Variants in NOC3L observed in about 807,000 individuals in gnomAD.
NOC3L encodes the protein NOC3 like DNA replication regulator, also known as nucleolar complex protein 3 homolog.
NOC3L carries 85 observed loss-of-function variants against 102.5 expected under a neutral mutation model. The observed-to-expected ratio is 0.83, with a 90% CI of 0.70 to 0.99. The LOEUF (loss-of-function observed/expected upper bound fraction) is 0.99, where lower values mean the gene tolerates loss of function less well. Ranked by LOEUF, NOC3L falls within the 50% of genes least tolerant of loss-of-function variation. The pLI, the probability that NOC3L is intolerant of heterozygous loss-of-function variation, is 0.00. For synonymous variants in NOC3L, 303 were observed against 309.4 expected (o/e 0.98, Z 0.22); for missense variants, 878 against 914.9 (o/e 0.96, Z 0.52).
At chr10:94,337,983 C>T in intron 18 of NOC3L, 109 bp from the exon 19 acceptor site, 2 of 669,830 alleles carry the variant, frequency 3.0e-6, no homozygotes, top group Non-Finnish European at 2.6e-6. Flanking sequence ...TTTTTTTCAT[C>T]ACCTATGTAC....
At chr10:94,361,566 G>T in intron 2 of NOC3L, 99 bp downstream of exon 2, 1 of 1,138,352 alleles carries the variant, frequency 8.8e-7, no homozygotes, top group South Asian at 1.3e-5. Context: ...GAAGATCTGA[G>T]AACAAGAAAA....
At chr10:94,337,375 C>A (rs1218545937) in intron 19 of NOC3L, among the ~76,000 whole-genome samples, 1 of 150,670 alleles carries the variant, frequency 6.6e-6, no homozygotes, top group Non-Finnish European at 1.5e-5. Context: ...AAAAAAAGAC[C>A]GAGCGAGCGA....
chr10:94,354,150 T>G (rs1216944089), intron 6 of NOC3L, among the ~76,000 whole-genome samples: 1 of 152,218 alleles, frequency 6.6e-6, no homozygotes, highest in African/African-American at 2.4e-5. Context: ...TTCCCCTCAC[T>G]TCATTAGAAA....
intron 2 of NOC3L, chr10:94,361,423 G>C: frequency 2.0e-6 from 1 of 490,316 alleles, no homozygotes; most frequent in South Asian, 3.2e-5. Context: ...TGCATCTTCA[G>C]ATCTGCCTTC....
In NOC3L at chr10:94,340,335, T is replaced by C. The variant is rs1268427791; in HGVS notation, c.1721A>G (p.Asn574Ser). ...HILSGQGDVL[N>S]IDPLKFYTHL... ...TGTGTAGAATTTCAATGGATCAATA[T>C]TCAGAACATCACCTTTGAAATGACA... Residue 574 changes from asparagine (N) to serine (S), a missense_variant, in exon 16 of 21, where the codon AAT (asparagine) becomes AGT (serine). Asn to Ser is a conservative substitution (Grantham distance 46, BLOSUM62 1). Transcript: ENST00000371361. 1.9e-6 allele frequency: 3 copies of C among 1,613,152 alleles called. No individual in the cohort carries two copies. Among genetic ancestry groups the C allele is most frequent in the African/African-American group, 1.3e-5 (1 of 74,886 alleles).
At position 94,357,324 on chromosome 10, in the gene NOC3L, C is replaced by T; in HGVS notation, c.358G>A (p.Val120Ile). The part of the protein sequence containing the change: ...LTRDLSSSEP[V>I]HAKKRKHERI... ...TCATGCTTCCGTTTCTTCGCATGAA[C>T]AGGCTCACTGCAGGGGAAAAAAAGA... Residue 120 changes from valine (V) to isoleucine (I), a missense_variant, in exon 4 of 21, where the codon GTT (valine) becomes ATT (isoleucine). Transcript: ENST00000371361. 6.3e-7 allele frequency: 1 copy of T among 1,593,390 alleles called. No individual in the cohort carries two copies. The highest frequency in any genetic ancestry group is 8.5e-7 in the Non-Finnish European group (1 of 1,170,622).
intron 9 of NOC3L, 32 bp from the exon 10 acceptor site, chr10:94,349,410 T>C: frequency 6.4e-6 from 10 of 1,558,826 alleles, no homozygotes; most frequent in Non-Finnish European, 7.8e-6. Flanking sequence ...TTAACCAGTG[T>C]TTCTCAACCT....
At chr10:94,334,588 A>G in intron 20 of NOC3L, 46 bp downstream of exon 20, 1 of 1,377,878 alleles carries the variant, frequency 7.3e-7, no homozygotes, top group East Asian at 2.3e-5. Flanking sequence ...ATTGAGATAC[A>G]TTGGTTTCTA....
chr10:94,326,064 C>T, the NOC3L span, among the ~76,000 whole-genome samples: 1 of 152,148 alleles, frequency 6.6e-6, no homozygotes, highest in Non-Finnish European at 1.5e-5. Flanking sequence ...TGTGAGGGAA[C>T]CAGTGGTAAG....
At chr10:94,349,402 A>C (rs751570244) in intron 9 of NOC3L, 24 bp from the exon 10 acceptor site, 32 of 1,564,700 alleles carry the variant, frequency 2.0e-5, no homozygotes, top group Non-Finnish European at 2.4e-5. Context: ...TGTCATACTT[A>C]ACCAGTGTTT....
At chr10:94,319,346 C>T in the NOC3L span, among the ~76,000 whole-genome samples, 1 of 152,162 alleles carries the variant, frequency 6.6e-6, no homozygotes, top group Non-Finnish European at 1.5e-5. Context: ...TCAGTAATTA[C>T]TGAATGTAAG....
At chr10:94,318,653 G>C in the NOC3L span, among the ~76,000 whole-genome samples, 2 of 152,192 alleles carry the variant, frequency 1.3e-5, no homozygotes, top group Non-Finnish European at 2.9e-5. Flanking sequence ...GGAGGAGCAG[G>C]AGGCAGTGGG....
intron 12 of NOC3L, 106 bp downstream of exon 12, chr10:94,344,747 C>T (rs1472095597): frequency 2.6e-5 from 24 of 910,462 alleles, no homozygotes; most frequent in Non-Finnish European, 4.0e-5. Flanking sequence ...ACATCTAAGC[C>T]TCATGAAAGA....
chr10:94,350,931 G>C (rs2054408637), intron 8 of NOC3L, among the ~76,000 whole-genome samples: 1 of 151,780 alleles, frequency 6.6e-6, no homozygotes, highest in African/African-American at 2.4e-5. Flanking sequence ...AAAAAACTGA[G>C]AATGTAAGAC....
the NOC3L span, chr10:94,322,002 A>G: frequency 1.9e-6 from 3 of 1,613,984 alleles, no homozygotes; most frequent in African/African-American, 4.0e-5. Flanking sequence ...CTCCAGAGCA[A>G]CCTCGAACAG....
Position 94,334,294 on chromosome 10 carries a change from TA to T in NOC3L, c.2285del (p.Leu762TyrfsTer7). The T allele has an allele frequency of 6.3e-7, 1 of 1,598,220 alleles. No individual in the cohort carries two copies. ...CTTCATTCAAAAATGAATCCCCTTG[TA>T]AAAATTTACCCTAGGAAAATATTTA... ...SSNPKIKGKFLQGDSFLNEDL... is the reference protein window; with the variant it reads ...SSNPKIKGKFXQGDSFLNEDL... On this transcript the variant is annotated frameshift_variant, in exon 21 of 21. Coordinates refer to ENST00000371361, the MANE Select transcript of NOC3L (RefSeq NM_022451.11). LOFTEE classifies it high-confidence loss of function.
intron 2 of NOC3L, among the ~76,000 whole-genome samples, chr10:94,359,133 C>T (rs2054523026): frequency 6.6e-6 from 1 of 152,114 alleles, no homozygotes; most frequent in South Asian, 2.1e-4. Flanking sequence ...CATTAAAACT[C>T]GTAAATCTTG....
chr10:94,318,695 G>C, the NOC3L span, among the ~76,000 whole-genome samples: 1 of 152,190 alleles, frequency 6.6e-6, no homozygotes, highest in Non-Finnish European at 1.5e-5. Context: ...TGGCTGCTGA[G>C]TGTCACAGGA....
At chr10:94,332,272 A>G (rs1339648826), downstream of NOC3L, 2 of 152,176 alleles carry the variant, frequency 1.3e-5, no homozygotes, top group Non-Finnish European at 2.9e-5. Context: ...TAGGTCTCTA[A>G]ACTTTTGACA....
Sources: gnomAD v4.1 joint callset for allele counts (sites outside exome capture counted in the v4.1 genomes callset) on GRCh38, gnomAD v4.1.1 for gene constraint, MANE v1.5 for transcripts, NCBI Gene and HGNC (gene_info 2026-07-23, HGNC 2026-07-21) for gene names.